Variants in VAT1L observed in about 807,000 individuals in gnomAD.
VAT1L encodes the protein putative NADPH-dependent quinone oxidoreductase VAT1L.
Under a neutral mutation model 44.1 loss-of-function variants are expected in VAT1L, and 34 were observed. The observed-to-expected ratio is 0.77, with a 90% CI of 0.59 to 1.03. The LOEUF (loss-of-function observed/expected upper bound fraction) is 1.03. VAT1L is among the 50% of genes least tolerant of loss of function. VAT1L has a pLI of 0.00. For synonymous variants in VAT1L, 253 were observed against 202.2 expected (o/e 1.25, Z -2.13); for missense variants, 615 against 538.8 (o/e 1.14, Z -1.40).
intron 1 of VAT1L, among the ~76,000 whole-genome samples, chr16:77,810,355 A>G (rs1347589363): frequency 6.6e-6 from 1 of 152,106 alleles, no homozygotes; most frequent in African/African-American, 2.4e-5. Flanking sequence ...GGGGCCCAAA[A>G]ATCTGTGTTT....
intron 8 of VAT1L, among the ~76,000 whole-genome samples, chr16:77,974,459 G>C (rs946980381): frequency 6.6e-6 from 1 of 152,178 alleles, no homozygotes; most frequent in African/African-American, 2.4e-5. Context: ...TCTTACCAAG[G>C]GAGGATTCTT....
intron 2 of VAT1L, among the ~76,000 whole-genome samples, chr16:77,820,902 G>C (rs2016441689): frequency 6.6e-6 from 1 of 152,166 alleles, no homozygotes; most frequent in Non-Finnish European, 1.5e-5. Flanking sequence ...CCCTTCCCCA[G>C]TAGTTTCCCT....
intron 3 of VAT1L, among the ~76,000 whole-genome samples, chr16:77,857,513 G>A (rs369563631): frequency 2.0e-5 from 3 of 152,104 alleles, no homozygotes; most frequent in South Asian, 2.1e-4. Context: ...CAGAAAGGCC[G>A]CAAGTAGATA....
chr16:77,945,182 T>C (rs1230697438), intron 7 of VAT1L, among the ~76,000 whole-genome samples: 1 of 151,810 alleles, frequency 6.6e-6, no homozygotes, highest in Non-Finnish European at 1.5e-5. Context: ...CAAGAACTGT[T>C]CTAGCACATA....
At chr16:77,814,336 C>T (rs2016315297) in intron 1 of VAT1L, among the ~76,000 whole-genome samples, 1 of 152,170 alleles carries the variant, frequency 6.6e-6, no homozygotes. Flanking sequence ...AATACACCTG[C>T]GTCCTAAAAA....
At position 77,931,817 on chromosome 16, in the gene VAT1L, A is replaced by T. The variant is rs2017734852; in HGVS notation, c.1078-40033A>T. Among the ~76,000 whole-genome samples, 3 of 152,326 alleles carry T rather than the reference A, an allele frequency of 2.0e-5. No individual in the cohort carries two copies. The South Asian group carries it at 6.2e-4, about 32-fold the overall frequency. ...GCTAGAGTTAGTAGGGTTAGTAGTA[A>T]TTATATTTAAGTTCAAAGTGTTAGG... On this transcript the variant is annotated intron_variant, in intron 7 of 8. Transcript: ENST00000302536.
chr16:77,971,961 A>C (rs1597128169), intron 8 of VAT1L, 28 bp downstream of exon 8: 1 of 1,603,554 alleles, frequency 6.2e-7, no homozygotes, highest in Non-Finnish European at 8.5e-7. Context: ...GAGTCTGTTC[A>C]GTTCCACGCG....
At chr16:77,968,719 TCAAACAAA>T (rs113058885) in intron 7 of VAT1L, among the ~76,000 whole-genome samples, 17 of 151,530 alleles carry the variant, frequency 1.1e-4, no homozygotes, top group East Asian at 9.8e-4. Flanking sequence ...AGACTCCATC[TCAAACAAA>T]CAAACAAACA....
At chr16:77,795,175 C>G (rs751480346) in intron 1 of VAT1L, among the ~76,000 whole-genome samples, 9 of 151,724 alleles carry the variant, frequency 5.9e-5, no homozygotes, top group Non-Finnish European at 1.0e-4. Flanking sequence ...TCTGTATCTT[C>G]ACATACTTCT....
rs542218778 is a variant in VAT1L at position 77,957,596 on chromosome 16, G to A, written c.1078-14254G>A. 3.0e-4 allele frequency among the ~76,000 whole-genome samples: 46 copies of A among 151,752 alleles called. 1 individual carries two copies. Among genetic ancestry groups the A allele is most frequent in the Non-Finnish European group, 1.0e-4 (7 of 67,942 alleles). On this transcript the variant is annotated intron_variant, in intron 7 of 8. Transcript: ENST00000302536. ...AAAACTTAGCTGGGTGTGGTGGCAC[G>A]TGCCTGTAATCCCAGCTACTCGGGA...
chr16:77,943,189 T>C (rs1320328477), intron 7 of VAT1L, among the ~76,000 whole-genome samples: 2 of 151,508 alleles, frequency 1.3e-5, no homozygotes, highest in Non-Finnish European at 2.9e-5. Flanking sequence ...CCTGAGTAGC[T>C]GGGATTACAG....
intron 7 of VAT1L, 146 bp from the exon 8 acceptor site, chr16:77,971,704 A>G (rs1448648325): frequency 4.1e-6 from 3 of 726,928 alleles, no homozygotes; most frequent in Non-Finnish European, 6.9e-6. Context: ...GTTGCACCCC[A>G]GCGTCCAACA....
At chr16:77,957,829 T>G (rs1251352840) in intron 7 of VAT1L, among the ~76,000 whole-genome samples, 2 of 151,418 alleles carry the variant, frequency 1.3e-5, no homozygotes, top group African/African-American at 4.8e-5. Flanking sequence ...CATTCTCGTG[T>G]GGAATTGCAG....
At chr16:77,914,990 T>A (rs2017537536) in intron 7 of VAT1L, among the ~76,000 whole-genome samples, 1 of 152,098 alleles carries the variant, frequency 6.6e-6, no homozygotes, top group African/African-American at 2.4e-5. Flanking sequence ...CCAGGCCTAG[T>A]GGCACATGTC....
At chr16:77,829,722 T>C (rs966298775) in intron 3 of VAT1L, among the ~76,000 whole-genome samples, 2 of 152,190 alleles carry the variant, frequency 1.3e-5, no homozygotes, top group Non-Finnish European at 2.9e-5. Context: ...CCAGTCCCGT[T>C]TAATGAGCCT....
chr16:77,956,879 C>T (rs2018109878), intron 7 of VAT1L, among the ~76,000 whole-genome samples: 1 of 152,160 alleles, frequency 6.6e-6, no homozygotes, highest in African/African-American at 2.4e-5. Context: ...AATTTTGCAG[C>T]CTAGGAACCC....
At chr16:77,920,084 A>T (rs116797721) in intron 7 of VAT1L, among the ~76,000 whole-genome samples, 2,499 of 152,302 alleles carry the variant, frequency 0.016, 73 homozygotes, top group African/African-American at 0.055. Flanking sequence ...TGTCCAAAAA[A>T]AAATAAATAA....
At chr16:77,942,250 C>G (rs1162879340) in intron 7 of VAT1L, among the ~76,000 whole-genome samples, 1 of 152,108 alleles carries the variant, frequency 6.6e-6, no homozygotes, top group Non-Finnish European at 1.5e-5. Flanking sequence ...CAGGGAAACT[C>G]CCCTTTATAA....
intron 1 of VAT1L, among the ~76,000 whole-genome samples, chr16:77,810,841 A>G (rs1034499888): frequency 5.3e-5 from 8 of 152,234 alleles, no homozygotes; most frequent in Admixed American, 1.3e-4. Context: ...CTGTCTTCAT[A>G]AAGTCGTAAA....
Sources: allele counts gnomAD v4.1 joint callset (sites outside exome capture counted in the v4.1 genomes callset), GRCh38; gene constraint gnomAD v4.1.1; transcripts MANE v1.5; gene names NCBI Gene and HGNC (gene_info 2026-07-23, HGNC 2026-07-21).